Variants in TNFRSF8 observed in about 807,000 individuals in gnomAD.
TNFRSF8 encodes the protein TNF receptor superfamily member 8.
A neutral mutation model predicts 70.8 loss-of-function variants in TNFRSF8; 26 were observed. That is an observed-to-expected ratio of 0.37 (90% CI 0.27 to 0.51). The LOEUF (loss-of-function observed/expected upper bound fraction) is 0.51. Ranked by LOEUF, TNFRSF8 falls within the 20% of genes least tolerant of loss-of-function variation. TNFRSF8 has a pLI of 0.94. For missense variants in TNFRSF8, 720 were observed against 807.9 expected (o/e 0.89, Z 1.32); for synonymous variants, 356 against 339.2 (o/e 1.05, Z -0.54).
At chr1:12,137,582 C>T (rs1017600917) in intron 13 of TNFRSF8, among the ~76,000 whole-genome samples, 17 of 143,868 alleles carry the variant, frequency 1.2e-4, no homozygotes, top group Non-Finnish European at 2.2e-4. Flanking sequence ...TTTTTTTTAG[C>T]ATTTAGAAAA....
chr1:12,111,151 T>C (rs1641622502), intron 6 of TNFRSF8, among the ~76,000 whole-genome samples: 1 of 152,164 alleles, frequency 6.6e-6, no homozygotes, highest in Admixed American at 6.5e-5. Context: ...ATGGCTTTGC[T>C]TATTCTCTCT....
chr1:12,101,864 G>A (rs1421450377), intron 3 of TNFRSF8, among the ~76,000 whole-genome samples: 1 of 151,984 alleles, frequency 6.6e-6, no homozygotes, highest in Non-Finnish European at 1.5e-5. Context: ...TAGGAGAGGC[G>A]GGATTTCACC....
chr1:12,109,465 G>T lies in TNFRSF8; in HGVS notation c.422-101G>T. 1.1e-6 allele frequency: 1 copy of T among 921,492 alleles called. No individual in the cohort carries two copies. Among genetic ancestry groups the T allele is most frequent in the Non-Finnish European group, 1.7e-6 (1 of 602,798 alleles). The allele number at this position is 921,492 out of a possible 1,614,324, so 57.1% of individuals were successfully genotyped here. ...TCCAGATGACTGCTGTGTTTTCCAA[G>T]GGCCCCATCTCCGACTCTGGCCTGT... On this transcript the variant is annotated intron_variant, in intron 4 of 14. Transcript: ENST00000263932. This position sits in a 1 kb window ranked among gnomAD's most constrained non-coding sequence, Gnocchi z 4.4.
chr1:12,074,790 T>C (rs1056023846), intron 1 of TNFRSF8, among the ~76,000 whole-genome samples: 2 of 152,068 alleles, frequency 1.3e-5, no homozygotes, highest in African/African-American at 4.8e-5. Flanking sequence ...TGTTTGTTTG[T>C]TTGTTTATTT....
chr1:12,080,524 G>C, intron 1 of TNFRSF8: 1 of 467,844 alleles, frequency 2.1e-6, no homozygotes, highest in Non-Finnish European at 4.1e-6. Context: ...TCCTGGGAAC[G>C]CTCTTTCGAG....
chr1:12,104,305 CCCT>C, intron 3 of TNFRSF8, 71 bp from the exon 4 acceptor site: 1 of 1,562,320 alleles, frequency 6.4e-7, no homozygotes, highest in Non-Finnish European at 8.8e-7. Context: ...TGCCCTCTCC[CCCT>C]CATCTCAAGA....
chr1:12,068,418 A>G (rs1640779753), intron 1 of TNFRSF8, among the ~76,000 whole-genome samples: 1 of 152,158 alleles, frequency 6.6e-6, no homozygotes, highest in Admixed American at 6.5e-5. Context: ...TGGTCGGGGT[A>G]GAGCCCACCA....
intron 4 of TNFRSF8, among the ~76,000 whole-genome samples, chr1:12,107,268 G>T (rs1641541919): frequency 6.6e-6 from 1 of 152,088 alleles, no homozygotes. Context: ...GGTGGCGGGT[G>T]CTTGAAATCT....
rs746741483 is a variant in TNFRSF8, at chr1:12,109,648, A to C, written c.504A>C (p.Glu168Asp). ...PACASPENCK[E>D]PSSGTIPQAK... is the part of the protein sequence containing the mutation. ...GTGCCAGCCCAGAGAACTGCAAGGA[A>C]CCCTCCAGGTGACTCCCTGGCTTTG... Residue 168 changes from glutamate to aspartate, a missense_variant, in exon 5 of 15, where the codon GAA (glutamate) becomes GAC (aspartate). Coordinates refer to ENST00000263932, the MANE Select transcript of TNFRSF8 (RefSeq NM_001243.5). This position sits in a 1 kb window ranked among gnomAD's most constrained non-coding sequence, Gnocchi z 4.4. The C allele has an allele frequency of 6.2e-7, 1 of 1,613,332 alleles. No homozygotes were observed. The highest frequency in any genetic ancestry group is 1.7e-5 in the Admixed American group (1 of 59,976).
chr1:12,140,242 A>G (rs902456790), intron 14 of TNFRSF8, among the ~76,000 whole-genome samples: 1 of 152,124 alleles, frequency 6.6e-6, no homozygotes, highest in African/African-American at 2.4e-5. Context: ...CACCTCCGCC[A>G]TGGTGGAAAG....
At chr1:12,127,350 A>G (rs1570070957) in intron 12 of TNFRSF8, among the ~76,000 whole-genome samples, 1 of 152,354 alleles carries the variant, frequency 6.6e-6, no homozygotes, top group East Asian at 1.9e-4. Context: ...GGGCTCAGCA[A>G]GGTGGACGGC....
chr1:12,093,344 T>G (rs1269873269), intron 2 of TNFRSF8, among the ~76,000 whole-genome samples: 7 of 152,008 alleles, frequency 4.6e-5, no homozygotes, highest in Non-Finnish European at 8.8e-5. Context: ...CTGGCTGTAG[T>G]AGAGAGTGCA....
chr1:12,065,040 G>T lies in TNFRSF8; in HGVS notation c.63+1379G>T, dbSNP rs916436474. Among the ~76,000 whole-genome samples, 4 of 148,268 alleles carry T rather than the reference G, an allele frequency of 2.7e-5. No individual in the cohort carries two copies. In the Admixed American group the frequency reaches 2.7e-4, roughly 10 times the overall value. On this transcript the variant is annotated intron_variant, in intron 1 of 14. Coordinates refer to ENST00000263932, the MANE Select transcript of TNFRSF8 (RefSeq NM_001243.5). Reference sequence around the variant, plus strand: ...CACTCTGTTGTCCAGGCTGGAGTGCGATCATAACTCACTACAGCCTGAACT... The same window carrying T: ...CACTCTGTTGTCCAGGCTGGAGTGCTATCATAACTCACTACAGCCTGAACT...
intron 2 of TNFRSF8, among the ~76,000 whole-genome samples, chr1:12,086,418 G>T (rs1051122045): frequency 9.2e-5 from 14 of 152,114 alleles, no homozygotes; most frequent in African/African-American, 3.1e-4. Flanking sequence ...GGGTCCCCTG[G>T]TTTTTTCAGT....
chr1:12,101,017 T>C (rs796424856), intron 3 of TNFRSF8, among the ~76,000 whole-genome samples: 16 of 151,448 alleles, frequency 1.1e-4, no homozygotes, highest in African/African-American at 3.6e-4. Flanking sequence ...TAAGGTAACA[T>C]GCATGGAGTA....
At position 12,116,888 on chromosome 1, in the gene TNFRSF8, A is replaced by G. The variant is rs569370151; in HGVS notation, c.946+1159A>G. On this transcript the variant is annotated intron_variant, in intron 8 of 14. Transcript: ENST00000263932. ...AAGTGAGGGGTGACTTGCTTCTAGGACCCCCAGAGAGGCTCTGGGCTTGGA... is the reference window on the plus strand; with the variant it reads ...AAGTGAGGGGTGACTTGCTTCTAGGGCCCCCAGAGAGGCTCTGGGCTTGGA... Among the ~76,000 whole-genome samples, 7 of 152,112 alleles carry G rather than the reference A, an allele frequency of 4.6e-5. No homozygotes were observed. The East Asian group carries it at 1.4e-3, about 29-fold the overall frequency.
intron 2 of TNFRSF8, among the ~76,000 whole-genome samples, chr1:12,089,046 G>A (rs1307977432): frequency 6.6e-6 from 1 of 152,176 alleles, no homozygotes; most frequent in Non-Finnish European, 1.5e-5. Context: ...GTCCACTTAA[G>A]TGTAGGCCCT....
chr1:12,130,150 C>T (rs1305515638), intron 12 of TNFRSF8, among the ~76,000 whole-genome samples: 1 of 152,198 alleles, frequency 6.6e-6, no homozygotes, highest in African/African-American at 2.4e-5. Flanking sequence ...TCAAGTGGTC[C>T]TCCCGCCTCG....
At chr1:12,107,530 C>T (rs1641546602) in intron 4 of TNFRSF8, among the ~76,000 whole-genome samples, 1 of 151,572 alleles carries the variant, frequency 6.6e-6, no homozygotes, top group African/African-American at 2.4e-5. Context: ...TATTGATTGC[C>T]TGCAAACATG....
Sources: gnomAD v4.1 joint callset for allele counts (sites outside exome capture counted in the v4.1 genomes callset) on GRCh38, gnomAD v4.1.1 for gene constraint, Gnocchi (gnomAD v3.1) non-coding constraint, MANE v1.5 for transcripts, NCBI Gene and HGNC (gene_info 2026-07-23, HGNC 2026-07-21) for gene names.